Variants in ZMYM6 observed in about 807,000 individuals in gnomAD.
ZMYM6 encodes the protein zinc finger MYM-type containing 6, also known as zinc finger MYM-type protein 6.
A neutral mutation model predicts 134.0 loss-of-function variants in ZMYM6; 90 were observed. That is an observed-to-expected ratio of 0.67 (90% CI 0.57 to 0.80). ZMYM6 has a LOEUF of 0.80. Among genes scored for constraint, ZMYM6 ranks in the 30% least tolerant of loss-of-function variants. ZMYM6 has a pLI of 0.00. For synonymous variants in ZMYM6, 481 were observed against 524.1 expected (o/e 0.92, Z 1.12); for missense variants, 1,362 against 1,533.9 (o/e 0.89, Z 1.87).
chr1:34,994,773 G>A (rs1013063112), intron 14 of ZMYM6, among the ~76,000 whole-genome samples: 8 of 151,710 alleles, frequency 5.3e-5, no homozygotes, highest in African/African-American at 1.9e-4. Flanking sequence ...CGTCCACCCA[G>A]ACTCAACCTT....
At position 35,030,656 on chromosome 1, in the gene ZMYM6, A is replaced by T; in HGVS notation, c.-17T>A. ...TTCTTTCATTCTAATTTTTTACCTC[A>T]AAGAGTGTCTCAGGCTCAAACGAAT... On this transcript the variant is annotated 5_prime_UTR_variant, in exon 2 of 16. An upstream open reading frame in the 5' UTR gains an earlier in-frame stop. Coordinates refer to ENST00000357182, the MANE Select transcript of ZMYM6 (RefSeq NM_007167.4). The T allele has an allele frequency of 6.2e-7, 1 of 1,608,870 alleles. No individual in the cohort carries two copies. Among genetic ancestry groups the T allele is most frequent in the Non-Finnish European group, 8.5e-7 (1 of 1,177,726 alleles).
At chr1:35,022,652 C>A (rs1041526843) in intron 2 of ZMYM6, among the ~76,000 whole-genome samples, 1 of 152,218 alleles carries the variant, frequency 6.6e-6, no homozygotes, top group African/African-American at 2.4e-5. Flanking sequence ...TCTGGTCCAA[C>A]TGAAATTAAG....
intron 4 of ZMYM6, chr1:35,018,187 T>G: frequency 6.6e-6 from 1 of 151,880 alleles, no homozygotes; most frequent in Non-Finnish European, 1.5e-5. Flanking sequence ...TACAAAAAAA[T>G]ACAAAAATTA....
chr1:35,014,961 TC>T, intron 5 of ZMYM6, 26 bp downstream of exon 5: 1 of 1,609,990 alleles, frequency 6.2e-7, no homozygotes, highest in Non-Finnish European at 8.5e-7. Flanking sequence ...TTCAGCAGAA[TC>T]CCAATAAAAG....
intron 13 of ZMYM6, among the ~76,000 whole-genome samples, chr1:35,004,894 C>A (rs1477764403): frequency 6.6e-6 from 1 of 151,924 alleles, no homozygotes; most frequent in Non-Finnish European, 1.5e-5. Context: ...CCCGTCTCTA[C>A]TAAAAATATC....
chr1:35,009,244 C>T (rs890767512), intron 10 of ZMYM6, among the ~76,000 whole-genome samples: 4 of 152,264 alleles, frequency 2.6e-5, no homozygotes, highest in East Asian at 1.9e-4. Context: ...GCTGGGATTA[C>T]AGGTACCTGC....
At chr1:35,015,934 ATTTTTTCTTTCT>A (rs1641178412) in intron 4 of ZMYM6, among the ~76,000 whole-genome samples, 1 of 138,424 alleles carries the variant, frequency 7.2e-6, no homozygotes, top group Non-Finnish European at 1.5e-5. Context: ...CAATAAATGA[ATTTTTTCTTTCT>A]TTTTTTTTTT....
chr1:34,989,324 G>T, intron 15 of ZMYM6: 1 of 887,442 alleles, frequency 1.1e-6, no homozygotes, highest in Non-Finnish European at 1.3e-6. Context: ...GGTCACTTGA[G>T]CCCTGGAGTT....
chr1:35,015,743 A>AATATATATATATATATATATAT (rs35800399), intron 4 of ZMYM6, among the ~76,000 whole-genome samples: 1 of 106,472 alleles, frequency 9.4e-6, no homozygotes, highest in African/African-American at 6.6e-5. Flanking sequence ...AAAAAAAAAA[A>AATATATATATATATATATATAT]ATATATATAT....
At chr1:35,003,180 CA>C (rs202093628) in intron 14 of ZMYM6, among the ~76,000 whole-genome samples, 7,731 of 63,004 alleles carry the variant, frequency 0.12, 187 homozygotes, top group African/African-American at 0.21. Context: ...GACCCTGTCT[CA>C]AAAAAAAAAA....
At chr1:35,029,117 G>A (rs1641470126) in intron 2 of ZMYM6, among the ~76,000 whole-genome samples, 2 of 152,018 alleles carry the variant, frequency 1.3e-5, no homozygotes, top group Admixed American at 6.6e-5. Flanking sequence ...ACTTGAACCC[G>A]GGATGTGAAA....
intron 15 of ZMYM6, among the ~76,000 whole-genome samples, chr1:34,991,743 C>T (rs975819167): frequency 1.1e-4 from 16 of 152,036 alleles, no homozygotes. Context: ...GCACTCCAGC[C>T]TGGGCAACAA....
At position 34,988,288 on chromosome 1, in the gene ZMYM6, CAATGA is replaced by C; in HGVS notation, c.2789_2793del (p.Phe930Ter). The C allele has an allele frequency of 1.3e-6, 2 of 1,550,742 alleles. No homozygotes were observed. Among genetic ancestry groups the C allele is most frequent in the Non-Finnish European group, 1.7e-6 (2 of 1,146,410 alleles). On this transcript the variant is annotated frameshift_variant, in exon 16 of 16. Transcript: ENST00000357182. LOFTEE classifies it high-confidence loss of function. The stretch of plus-strand genomic sequence containing the variant: ...TCTTTTACATCACGACAATCATAAT[CAATGA>C]AACGAATATAGCACAAAAGAAGTGT...
intron 14 of ZMYM6, 31 bp from the exon 15 acceptor site, chr1:34,992,418 A>C (rs1464196942): frequency 1.2e-6 from 2 of 1,603,848 alleles, no homozygotes; most frequent in Non-Finnish European, 1.7e-6. Flanking sequence ...AAACCAAAGA[A>C]AGATTTTTTT....
intron 2 of ZMYM6, among the ~76,000 whole-genome samples, chr1:35,027,696 T>C (rs911363132): frequency 1.3e-5 from 2 of 151,332 alleles, no homozygotes; most frequent in African/African-American, 4.9e-5. Context: ...CACTCCAGTA[T>C]GGGCAACAAA....
In ZMYM6 at chr1:35,020,444, T is replaced by G; in HGVS notation, c.117A>C (p.Pro39=). 6.2e-7 allele frequency: 1 copy of G among 1,611,680 alleles called. No individual in the cohort carries two copies. The change falls in exon 3 of 16, where the codon CCA becomes CCC. Residue 39 remains proline, a synonymous_variant. Coordinates refer to ENST00000357182, the MANE Select transcript of ZMYM6 (RefSeq NM_007167.4). ...TTTTCAATTTACTTTCTTGAGTTTT[T>G]GGCTGTTGGACACATCCATACTCCT... ...NAQEYGCVQQ[P]KTQESKLKIG...
intron 15 of ZMYM6, among the ~76,000 whole-genome samples, chr1:34,991,651 T>A (rs985865862): frequency 6.6e-6 from 1 of 151,912 alleles, no homozygotes; most frequent in African/African-American, 2.4e-5. Flanking sequence ...GCACCTGTAA[T>A]CCCAGCTGCT....
intron 14 of ZMYM6, among the ~76,000 whole-genome samples, chr1:34,997,009 A>G (rs1239726919): frequency 6.6e-6 from 1 of 152,244 alleles, no homozygotes; most frequent in East Asian, 1.9e-4. Flanking sequence ...TCATAAATGT[A>G]CAAAATGTAT....
At chr1:35,026,352 T>C (rs933586407) in intron 2 of ZMYM6, among the ~76,000 whole-genome samples, 1 of 152,170 alleles carries the variant, frequency 6.6e-6, no homozygotes, top group Non-Finnish European at 1.5e-5. Flanking sequence ...CAGAACAAAC[T>C]CTTAGAAAAT....
Sources: gnomAD v4.1 joint callset for allele counts (sites outside exome capture counted in the v4.1 genomes callset) on GRCh38, gnomAD v4.1.1 for gene constraint, MANE v1.5 for transcripts, NCBI Gene and HGNC (gene_info 2026-07-23, HGNC 2026-07-21) for gene names.